PARG: variants seen among roughly 807,000 people sequenced by gnomAD.
PARG encodes the protein mitochondrial poly(ADP-ribose) glycohydrolase.
Under a neutral mutation model 113.0 loss-of-function variants are expected in PARG, and 35 were observed. The ratio of observed to expected loss-of-function variants is 0.31; its 90% CI spans 0.24 to 0.41. The LOEUF is 0.41. Ranked by LOEUF, PARG falls within the 10% of genes least tolerant of loss-of-function variation. The probability of loss-of-function intolerance (pLI) is 1.00; values close to 1 mark genes in which losing one functional copy is unlikely to be tolerated. For missense variants in PARG, 797 were observed against 1,169.4 expected (o/e 0.68, Z 4.64); for synonymous variants, 330 against 409.9 (o/e 0.81, Z 2.36).
intron 6 of PARG, among the ~76,000 whole-genome samples, chr10:49,920,517 TATGTATATAC>T (rs1837781061): frequency 7.3e-6 from 1 of 136,766 alleles, no homozygotes; most frequent in African/African-American, 2.7e-5. Context: ...CACACATATA[TATGTATATAC>T]ATGTATATAT....
At chr10:49,928,935 G>A (rs1838352343) in intron 4 of PARG, among the ~76,000 whole-genome samples, 1 of 152,314 alleles carries the variant, frequency 6.6e-6, no homozygotes, top group South Asian at 2.1e-4. Flanking sequence ...GAATCTAGAA[G>A]AAAATACAAC....
intron 7 of PARG, among the ~76,000 whole-genome samples, chr10:49,897,552 C>T (rs1386055519): frequency 1.3e-5 from 2 of 152,180 alleles, no homozygotes; most frequent in Non-Finnish European, 2.9e-5. Context: ...CTTGTGGCCC[C>T]CCAGTACTAA....
chr10:49,886,330 T>C (rs1490193708), intron 7 of PARG, among the ~76,000 whole-genome samples: 1 of 152,248 alleles, frequency 6.6e-6, no homozygotes, highest in Non-Finnish European at 1.5e-5. Context: ...TAAAACCATT[T>C]GTTTATCTGC....
intron 6 of PARG, among the ~76,000 whole-genome samples, chr10:49,919,585 A>T (rs1392700519): frequency 1.3e-5 from 2 of 152,128 alleles, no homozygotes; most frequent in African/African-American, 4.8e-5. Flanking sequence ...TTGGGAGGCC[A>T]AGGCAGGTGG....
chr10:49,841,185 G>A (rs567432761), intron 15 of PARG, among the ~76,000 whole-genome samples: 3 of 152,032 alleles, frequency 2.0e-5, no homozygotes, highest in South Asian at 2.1e-4. Flanking sequence ...CCTGGGAGGC[G>A]GAGGTTGCAG....
At chr10:49,932,040 A>C in intron 4 of PARG, 60 bp downstream of exon 4, 1 of 942,842 alleles carries the variant, frequency 1.1e-6, no homozygotes, top group Non-Finnish European at 1.7e-6. Flanking sequence ...CACTTAATAA[A>C]TATCACAATA....
chr10:49,874,582 C>T (rs376249598), intron 9 of PARG, among the ~76,000 whole-genome samples: 2 of 151,370 alleles, frequency 1.3e-5, no homozygotes, highest in African/African-American at 2.4e-5. Flanking sequence ...TGGCCGGGTG[C>T]GGTGGCTGAT....
intron 6 of PARG, among the ~76,000 whole-genome samples, chr10:49,917,502 A>AG (rs1339012345): frequency 1.3e-5 from 2 of 148,662 alleles, no homozygotes; most frequent in African/African-American, 5.0e-5. Flanking sequence ...AAAAAAAAAA[A>AG]AAAAAGAAAA....
chr10:49,824,902 T>C (rs540703747), intron 16 of PARG, among the ~76,000 whole-genome samples: 59 of 152,312 alleles, frequency 3.9e-4, no homozygotes, highest in African/African-American at 1.1e-3. Flanking sequence ...CCACTGCTTC[T>C]GGGCTGCTGT....
At chr10:49,878,256 G>C (rs1404743819) in intron 9 of PARG, among the ~76,000 whole-genome samples, 1 of 145,594 alleles carries the variant, frequency 6.9e-6, no homozygotes, top group Non-Finnish European at 1.5e-5. Flanking sequence ...TGTTGGAGGA[G>C]ACTAGGTAAT....
chr10:49,924,541 C>G (rs1838054993), intron 4 of PARG, among the ~76,000 whole-genome samples: 2 of 145,468 alleles, frequency 1.4e-5, no homozygotes, highest in Admixed American at 1.4e-4. Flanking sequence ...TTCTAAGCCC[C>G]GCAACCAACT....
intron 13 of PARG, among the ~76,000 whole-genome samples, chr10:49,854,901 G>C (rs533002473): frequency 1.7e-4 from 25 of 151,230 alleles, no homozygotes; most frequent in South Asian, 4.2e-4. Flanking sequence ...TGATTTCCAG[G>C]GTCACATTAC....
At chr10:49,886,538 G>A (rs753601211) in intron 7 of PARG, among the ~76,000 whole-genome samples, 14 of 152,028 alleles carry the variant, frequency 9.2e-5, no homozygotes, top group Non-Finnish European at 2.1e-4. Flanking sequence ...TCAGAGAGTT[G>A]GAAATTCAAT....
intron 7 of PARG, among the ~76,000 whole-genome samples, chr10:49,914,212 A>G (rs143452858): frequency 9.2e-5 from 14 of 152,344 alleles, no homozygotes; most frequent in African/African-American, 3.4e-4. Flanking sequence ...GTATCAAATT[A>G]TACATTACTT....
intron 6 of PARG, among the ~76,000 whole-genome samples, chr10:49,920,461 AAAATATATATATATATATATATAT>A (rs1303918435): frequency 2.1e-5 from 1 of 48,336 alleles, no homozygotes. Flanking sequence ...TAAAAAAAAA[AAAATATATATATATATATATATAT>A]ATATATATAT....
At chr10:49,829,908 G>A (rs1554830024) in intron 16 of PARG, among the ~76,000 whole-genome samples, 4 of 151,968 alleles carry the variant, frequency 2.6e-5, no homozygotes, top group East Asian at 1.9e-4. Context: ...TTGCATAAAT[G>A]TACCATAATT....
intron 14 of PARG, among the ~76,000 whole-genome samples, chr10:49,842,380 C>CT (rs1554832541): frequency 6.6e-6 from 1 of 152,168 alleles, no homozygotes; most frequent in Non-Finnish European, 1.5e-5. Flanking sequence ...GAATCTAGTT[C>CT]TTTGTTTTCC....
At chr10:49,869,338 T>C (rs1265840405) in intron 10 of PARG, 138 bp downstream of exon 10, 54 of 671,126 alleles carry the variant, frequency 8.0e-5, no homozygotes, top group African/African-American at 5.0e-4. Context: ...CTAGGTTATA[T>C]TGTCGCATCA....
chr10:49,834,290 T>C (rs1397127157), intron 15 of PARG, among the ~76,000 whole-genome samples: 1 of 152,210 alleles, frequency 6.6e-6, no homozygotes, highest in Non-Finnish European at 1.5e-5. Context: ...CTTTGTTTCA[T>C]GTCAGAATTT....
Sources: allele counts gnomAD v4.1 joint callset (sites outside exome capture counted in the v4.1 genomes callset), GRCh38; gene constraint gnomAD v4.1.1; transcripts MANE v1.5; gene names NCBI Gene and HGNC (gene_info 2026-07-23, HGNC 2026-07-21).